The following ARHGAP6 variants were observed in gnomAD, a reference collection of about 807,000 sequenced individuals.
ARHGAP6 encodes the protein rho GTPase-activating protein 6.
A neutral mutation model predicts 55.7 loss-of-function variants in ARHGAP6; 16 were observed. That is an observed-to-expected ratio of 0.29 (90% CI 0.19 to 0.44). The LOEUF (loss-of-function observed/expected upper bound fraction) is 0.44, where lower values mean the gene tolerates loss of function less well. Among genes scored for constraint, ARHGAP6 ranks in the 20% least tolerant of loss-of-function variants. The probability of loss-of-function intolerance (pLI) is 1.00; values close to 1 mark genes in which losing one functional copy is unlikely to be tolerated. For synonymous variants in ARHGAP6, 382 were observed against 360.9 expected, an observed-to-expected ratio of 1.06 and a Z score of -0.66; for missense variants, 698 against 808.9, an observed-to-expected ratio of 0.86 and a Z score of 1.66.
At chrX:11,234,154 G>A (rs1026096654) in intron 2 of ARHGAP6, among the ~76,000 whole-genome samples, 8 of 112,547 alleles carry the variant, frequency 7.1e-5, no homozygotes, top group African/African-American at 2.6e-4. Context: ...TCCAAATCAT[G>A]AGGAAGAGCT....
At chrX:11,598,419 T>C (rs956421292) in intron 1 of ARHGAP6, among the ~76,000 whole-genome samples, 1 of 112,225 alleles carries the variant, frequency 8.9e-6, no homozygotes, top group Non-Finnish European at 1.9e-5. Context: ...GTGGTACCTA[T>C]GCAGGCTTGC....
chrX:11,455,386 A>C (rs1170787130), intron 1 of ARHGAP6, among the ~76,000 whole-genome samples: 1 of 112,258 alleles, frequency 8.9e-6, no homozygotes. Context: ...AGTTACTGAT[A>C]CTAGTTCCTA....
chrX:11,468,381 C>G (rs184167515), intron 1 of ARHGAP6, among the ~76,000 whole-genome samples: 2 of 111,936 alleles, frequency 1.8e-5, no homozygotes, highest in Admixed American at 1.9e-4. Flanking sequence ...AGCCCCTGCC[C>G]CTTCATTTCA....
chrX:11,174,573 C>CCTTTCTTT lies in ARHGAP6; in HGVS notation c.1629+3519_1629+3526dup, dbSNP rs1274689353. ...TCCTTCCTTCCTTCCTTCCTTCCTT[C>CCTTTCTTT]CTTTCTTTCTTTCTTTCTTTTTCTT... On this transcript the variant is annotated intron_variant, in intron 8 of 12. Coordinates refer to ENST00000337414, the MANE Select transcript of ARHGAP6 (RefSeq NM_013427.3). 2.7e-3 allele frequency among the ~76,000 whole-genome samples: 115 copies of CCTTTCTTT among 42,270 alleles called. 2 individuals carry two copies. The highest frequency in any genetic ancestry group is 6.1e-3 in the African/African-American group (63 of 10,379). 36.7% of individuals were successfully genotyped at this position (42,270 alleles called of 115,157 possible).
chrX:11,370,471 T>C (rs1440768101), intron 1 of ARHGAP6, among the ~76,000 whole-genome samples: 1 of 111,980 alleles, frequency 8.9e-6, no homozygotes, highest in Non-Finnish European at 1.9e-5. Flanking sequence ...TTTCCTCTGA[T>C]GTCAGTCCTA....
intron 1 of ARHGAP6, among the ~76,000 whole-genome samples, chrX:11,464,497 A>G (rs2050274883): frequency 8.9e-6 from 1 of 112,365 alleles, no homozygotes; most frequent in African/African-American, 3.2e-5. Context: ...ATTACAGGGG[A>G]AAAGGCACAG....
intron 1 of ARHGAP6, among the ~76,000 whole-genome samples, chrX:11,587,375 A>G (rs967283706): frequency 1.5e-4 from 17 of 111,910 alleles, no homozygotes; most frequent in African/African-American, 5.5e-4. Context: ...GTTTGGTAAT[A>G]CATATGAGGA....
chrX:11,378,376 C>A (rs1242538309), intron 1 of ARHGAP6, among the ~76,000 whole-genome samples: 1 of 112,622 alleles, frequency 8.9e-6, no homozygotes, highest in East Asian at 2.8e-4. Flanking sequence ...GACATGGTTA[C>A]TTTTAATAAG....
chrX:11,268,637 A>G (rs2047655766), intron 1 of ARHGAP6, among the ~76,000 whole-genome samples: 1 of 111,548 alleles, frequency 9.0e-6, no homozygotes, highest in Non-Finnish European at 1.9e-5. Context: ...AGGAAGTGAC[A>G]AGCTTCATTT....
rs184891738 is a variant in ARHGAP6 at position 11,563,648 on chromosome X, T to A, written c.588+100593A>T. Among the ~76,000 whole-genome samples, 480 of 111,152 alleles carry A rather than the reference T, an allele frequency of 4.3e-3. 3 individuals carry two copies. Among genetic ancestry groups the A allele is most frequent in the African/African-American group, 0.013 (398 of 30,664 alleles). ...TCATTCATAACAATTAAGAACTTGA[T>A]TGCAGCTACAATCAAGTTCCTAATT... On this transcript the variant is annotated intron_variant, in intron 1 of 12. Transcript: ENST00000337414.
chrX:11,268,607 T>C (rs981309952), intron 1 of ARHGAP6, among the ~76,000 whole-genome samples: 1 of 111,050 alleles, frequency 9.0e-6, no homozygotes, highest in Non-Finnish European at 1.9e-5. Flanking sequence ...ATGACTGGAG[T>C]CTAGCTAATG....
In ARHGAP6 at chrX:11,435,289, C is replaced by CTA. The variant is rs769397588; in HGVS notation, c.589-180583_589-180582insTA. Among the ~76,000 whole-genome samples the CTA allele has an allele frequency of 9.8e-5, 11 of 112,528 alleles. No individual in the cohort carries two copies. In the South Asian group the frequency reaches 3.7e-3, roughly 38 times the overall value. ...TTCTAATAAATCAGAATCTAAGCAT[C>CTA]AGACTGGGACTTTTTTCATTATTTC... On this transcript the variant is annotated intron_variant, in intron 1 of 12. Transcript: ENST00000337414.
chrX:11,249,382 C>T (rs2047393977), intron 2 of ARHGAP6, among the ~76,000 whole-genome samples: 1 of 111,267 alleles, frequency 9.0e-6, no homozygotes, highest in Non-Finnish European at 1.9e-5. Context: ...AGAACTTATT[C>T]GTGTAACCAA....
chrX:11,236,271 C>T (rs1237344406), intron 2 of ARHGAP6, among the ~76,000 whole-genome samples: 1 of 111,647 alleles, frequency 9.0e-6, no homozygotes, highest in East Asian at 2.8e-4. Context: ...GGGGATGCCC[C>T]TTATAAAACC....
chrX:11,221,672 G>A (rs1427511291), intron 2 of ARHGAP6, among the ~76,000 whole-genome samples: 1 of 111,630 alleles, frequency 9.0e-6, no homozygotes, highest in Non-Finnish European at 1.9e-5. Context: ...AGCTCTATTC[G>A]TTCCTTTTAG....
chrX:11,501,715 G>A (rs1184218407), intron 1 of ARHGAP6, among the ~76,000 whole-genome samples: 2 of 111,422 alleles, frequency 1.8e-5, no homozygotes, highest in East Asian at 5.6e-4. Flanking sequence ...CAATAAAGTA[G>A]GCTAGAAAAA....
intron 1 of ARHGAP6, among the ~76,000 whole-genome samples, chrX:11,594,222 C>T (rs1418646463): frequency 5.4e-5 from 6 of 111,486 alleles, no homozygotes; most frequent in Non-Finnish European, 9.4e-5. Flanking sequence ...CTCCCTTTGC[C>T]TCAAGGCCTT....
At chrX:11,208,233 G>A (rs190580716) in intron 2 of ARHGAP6, among the ~76,000 whole-genome samples, 2 of 111,265 alleles carry the variant, frequency 1.8e-5, no homozygotes, top group East Asian at 5.7e-4. Context: ...TGTGCCCCGT[G>A]GAGGCCATGG....
chrX:11,146,484 A>G (rs2045693384), intron 10 of ARHGAP6, among the ~76,000 whole-genome samples: 1 of 112,433 alleles, frequency 8.9e-6, no homozygotes, highest in African/African-American at 3.2e-5. Flanking sequence ...TTCTTTTCAC[A>G]GTTTCCCCAC....
Sources: gnomAD v4.1 joint callset for allele counts (sites outside exome capture counted in the v4.1 genomes callset) on GRCh38, gnomAD v4.1.1 for gene constraint, MANE v1.5 for transcripts, NCBI Gene and HGNC (gene_info 2026-07-23, HGNC 2026-07-21) for gene names.